Variants in ARMC3 observed in about 807,000 individuals in gnomAD.
ARMC3 encodes the protein armadillo repeat containing 3.
ARMC3 carries 74 observed loss-of-function variants against 90.3 expected under a neutral mutation model. The ratio of observed to expected loss-of-function variants is 0.82; its 90% confidence interval spans 0.68 to 0.99. The LOEUF is 0.99. Ranked by LOEUF, ARMC3 falls within the 50% of genes least tolerant of loss-of-function variation. ARMC3 has a pLI of 0.00. For synonymous variants in ARMC3, 334 were observed against 361.8 expected (o/e 0.92, Z 0.87); for missense variants, 958 against 1,042.8 (o/e 0.92, Z 1.12).
rs565021840 is a variant in ARMC3, at chr10:23,035,104, A to G, written c.2409+2081A>G. Among the ~76,000 whole-genome samples, 63 of 152,290 alleles carry G rather than the reference A, an allele frequency of 4.1e-4. No homozygotes were observed. In the South Asian group the frequency reaches 6.0e-3, roughly 15 times the overall value. On this transcript the variant is annotated intron_variant, in intron 18 of 18. Transcript: ENST00000298032. The stretch of plus-strand genomic sequence containing the variant: ...CAGAGTGCCAGCAGATTCAGTGTCT[A>G]CTGAGGGCTCCCTTCCTGGTTTGCA...
At chr10:22,986,108 A>ACGCCCCC (rs1588881317) in intron 10 of ARMC3, among the ~76,000 whole-genome samples, 1 of 110,836 alleles carries the variant, frequency 9.0e-6, no homozygotes, top group East Asian at 4.4e-4. Context: ...CCTGCACTGC[A>ACGCCCCC]CGCCCCCCCC....
In ARMC3 at chr10:23,037,695, C is replaced by G; in HGVS notation, c.*216C>G. On this transcript the variant is annotated 3_prime_UTR_variant, in exon 19 of 19. Coordinates refer to ENST00000298032, the MANE Select transcript of ARMC3 (RefSeq NM_173081.5). ...GAGTTCTGTCTTATTAGGTCATTTT[C>G]CGCTCACTGACCCTCACATAAAGCT... 2.1e-6 allele frequency: 1 copy of G among 480,240 alleles called. No homozygotes were observed. Among genetic ancestry groups the G allele is most frequent in the Non-Finnish European group, 3.7e-6 (1 of 273,678 alleles). 29.7% of individuals were successfully genotyped at this position (480,240 alleles called of 1,614,324 possible).
At chr10:23,004,130 TA>T (rs201287100) in intron 13 of ARMC3, among the ~76,000 whole-genome samples, 44 of 145,416 alleles carry the variant, frequency 3.0e-4, no homozygotes, top group East Asian at 5.9e-4. Context: ...ACCTGTCTTT[TA>T]AAAAAAAAAA....
intron 16 of ARMC3, among the ~76,000 whole-genome samples, chr10:23,017,949 A>C (rs746276090): frequency 7.9e-5 from 12 of 152,264 alleles, no homozygotes; most frequent in Non-Finnish European, 1.5e-4. Flanking sequence ...AGATCCTATT[A>C]TAATGAACAA....
chr10:22,929,333 A>G (rs1833844014), intron 1 of ARMC3, among the ~76,000 whole-genome samples: 1 of 151,588 alleles, frequency 6.6e-6, no homozygotes, highest in South Asian at 2.1e-4. Context: ...AAGGAAAGGA[A>G]AGGAAAGGAA....
chr10:23,023,786 T>G (rs1838603717), intron 16 of ARMC3, among the ~76,000 whole-genome samples: 1 of 152,150 alleles, frequency 6.6e-6, no homozygotes, highest in South Asian at 2.1e-4. Context: ...AGCAGTAGAA[T>G]TCACTCAATC....
chr10:23,033,428 A>T (rs1475446264), intron 18 of ARMC3, among the ~76,000 whole-genome samples: 2 of 152,170 alleles, frequency 1.3e-5, no homozygotes, highest in African/African-American at 4.8e-5. Context: ...CTGATATATA[A>T]CCCAGGTATG....
rs776100863 is a variant in ARMC3, at chr10:23,008,853, C to T, written c.1967C>T (p.Pro656Leu). 2 of 1,613,336 alleles carry T rather than the reference C, an allele frequency of 1.2e-6. No individual in the cohort carries two copies. Among genetic ancestry groups the T allele is most frequent in the Non-Finnish European group, 8.5e-7 (1 of 1,179,648 alleles). The change falls in exon 16 of 19, where the codon CCC becomes CTC. Residue 656 changes from proline (P) to leucine (L), a missense_variant. By Grantham distance (98) the Pro-to-Leu change is moderately conservative (BLOSUM62 -3). Coordinates refer to ENST00000298032, the MANE Select transcript of ARMC3 (RefSeq NM_173081.5). ...SYHFSAGFGSPIEDKSEPASG... is the reference protein window; with the variant it reads ...SYHFSAGFGSLIEDKSEPASG... ...CATTTTAGTGCTGGATTTGGATCTC[C>T]CATAGAAGACAAATCAGAGCCAGCT...
At chr10:23,028,960 T>G (rs1838817993) in intron 16 of ARMC3, among the ~76,000 whole-genome samples, 1 of 152,156 alleles carries the variant, frequency 6.6e-6, no homozygotes, top group African/African-American at 2.4e-5. Context: ...CCAGAAAACT[T>G]TATTTACCTT....
At chr10:22,945,368 G>A (rs1018950034) in intron 2 of ARMC3, among the ~76,000 whole-genome samples, 3 of 152,172 alleles carry the variant, frequency 2.0e-5, no homozygotes, top group Non-Finnish European at 4.4e-5. Context: ...AAGAAAAATA[G>A]TGTAATAATT....
At chr10:22,952,451 T>C (rs1419745601) in intron 3 of ARMC3, among the ~76,000 whole-genome samples, 2 of 152,170 alleles carry the variant, frequency 1.3e-5, no homozygotes, top group Non-Finnish European at 2.9e-5. Context: ...TGGACAATTT[T>C]ATTTCAAGAC....
intron 14 of ARMC3, among the ~76,000 whole-genome samples, chr10:23,007,674 T>TG: frequency 8.0e-6 from 1 of 124,568 alleles, no homozygotes; most frequent in East Asian, 2.3e-4. Context: ...CACTCTAGCC[T>TG]GGCAACAGAG....
chr10:22,971,253 G>C (rs77503269), intron 8 of ARMC3, among the ~76,000 whole-genome samples: 5,844 of 152,192 alleles, frequency 0.038, 154 homozygotes, highest in Middle Eastern at 0.058. Context: ...TCCATTGCCT[G>C]TATAGACCAC....
At chr10:22,952,916 A>G (rs1373365431) in intron 3 of ARMC3, among the ~76,000 whole-genome samples, 1 of 152,246 alleles carries the variant, frequency 6.6e-6, no homozygotes, top group African/African-American at 2.4e-5. Context: ...TAGGTAGAAA[A>G]ATAACCCCAA....
Position 22,955,787 on chromosome 10 carries a change from TG to T in ARMC3, c.167-19del, listed in dbSNP as rs922005393. The T allele has an allele frequency of 6.2e-7, 1 of 1,612,982 alleles. No individual in the cohort carries two copies. Among genetic ancestry groups the T allele is most frequent in the Non-Finnish European group, 8.5e-7 (1 of 1,179,534 alleles). ...GATCGATAATATCCATGTGTGGTTT[TG>T]TTTTACGTGTGATGTCAGGTGAGGA... On this transcript the variant is annotated intron_variant, in intron 3 of 18. Transcript: ENST00000298032.
chr10:22,982,002 TAAA>T (rs1355344138), intron 10 of ARMC3, among the ~76,000 whole-genome samples: 1 of 152,202 alleles, frequency 6.6e-6, no homozygotes, highest in Non-Finnish European at 1.5e-5. Flanking sequence ...CTGGAAATGT[TAAA>T]GACAAGATCG....
chr10:23,030,590 T>C lies in ARMC3; in HGVS notation c.2046-6T>C, dbSNP rs1210711494. 1 of 1,608,548 alleles carries C rather than the reference T, an allele frequency of 6.2e-7. No homozygotes were observed. Among genetic ancestry groups the C allele is most frequent in the Admixed American group, 1.7e-5 (1 of 59,470 alleles). ...TGATTTTGATTGCCCTTGTTTACTT[T>C]CAAAGGAAAAGCAAAGGAAAAAAAG... is the stretch of plus-strand genomic sequence containing the variant. On this transcript the variant is annotated splice_region_variant and splice_polypyrimidine_tract_variant and intron_variant, in intron 16 of 18. Coordinates refer to ENST00000298032, the MANE Select transcript of ARMC3 (RefSeq NM_173081.5).
chr10:23,016,839 G>A lies in ARMC3; in HGVS notation c.2045+7908G>A, dbSNP rs998379455. On this transcript the variant is annotated intron_variant, in intron 16 of 18. Transcript: ENST00000298032. ...TCCTTGTTCTTACATCAGGCAGCACGCTCTGTGAGACACACTCCTGCCTCT... is the reference window on the plus strand; with the variant it reads ...TCCTTGTTCTTACATCAGGCAGCACACTCTGTGAGACACACTCCTGCCTCT... Among the ~76,000 whole-genome samples the A allele has an allele frequency of 5.3e-5, 8 of 152,154 alleles. No individual in the cohort carries two copies. In the East Asian group the frequency reaches 5.8e-4, roughly 11 times the overall value.
intron 10 of ARMC3, among the ~76,000 whole-genome samples, chr10:22,996,774 A>G (rs1316626731): frequency 2.0e-5 from 3 of 152,092 alleles, no homozygotes; most frequent in Non-Finnish European, 4.4e-5. Context: ...TGGAGATTTC[A>G]TTTACCTCCT....
Sources: allele counts gnomAD v4.1 joint callset (sites outside exome capture counted in the v4.1 genomes callset), GRCh38; gene constraint gnomAD v4.1.1; transcripts MANE v1.5; gene names NCBI Gene and HGNC (gene_info 2026-07-23, HGNC 2026-07-21).